The following LCOR variants were observed in gnomAD, a reference collection of about 807,000 sequenced individuals.
The protein encoded by LCOR is ligand-dependent corepressor.
LCOR carries 14 observed loss-of-function variants against 64.4 expected under a neutral mutation model. The observed-to-expected ratio is 0.22, with a 90% CI of 0.14 to 0.34. The LOEUF (loss-of-function observed/expected upper bound fraction) is 0.34, where lower values mean the gene tolerates loss of function less well. Ranked by LOEUF, LCOR falls within the 10% of genes least tolerant of loss-of-function variation. The pLI, the probability that LCOR is intolerant of heterozygous loss-of-function variation, is 1.00. For synonymous variants in LCOR, 643 were observed against 642.5 expected (o/e 1.00, Z -0.01); for missense variants, 1,686 against 1,765.3 (o/e 0.96, Z 0.80).
chr10:96,993,782 G>A lies in LCOR; in HGVS notation c.*8648G>A, dbSNP rs1330018020. 5 of 149,462 alleles carry A rather than the reference G, an allele frequency of 3.3e-5. No individual in the cohort carries two copies. Among genetic ancestry groups the A allele is most frequent in the Admixed American group, 6.7e-5 (1 of 14,970 alleles). 9.3% of individuals were successfully genotyped at this position (149,462 alleles called of 1,614,324 possible). On this transcript the variant is annotated 3_prime_UTR_variant, in exon 8 of 8. Coordinates refer to ENST00000421806, the MANE Select transcript of LCOR (RefSeq NM_001346516.2). Reference sequence around the variant, plus strand: ...ATATTATATATATATATATACAGGTGTATGATAAACTGGTCAGTGGTCAGT... The same window carrying A: ...ATATTATATATATATATATACAGGTATATGATAAACTGGTCAGTGGTCAGT...
chr10:96,847,069 C>T (rs1845641831), intron 2 of LCOR, among the ~76,000 whole-genome samples: 1 of 151,922 alleles, frequency 6.6e-6, no homozygotes, highest in South Asian at 2.1e-4. Flanking sequence ...ATGGTGAAAC[C>T]CCGTCTCTAC....
intron 2 of LCOR, among the ~76,000 whole-genome samples, chr10:96,852,665 G>T (rs1783898062): frequency 6.6e-6 from 1 of 152,164 alleles, no homozygotes; most frequent in Non-Finnish European, 1.5e-5. Flanking sequence ...TTCTTCAGAA[G>T]CCCATGGAGA....
At chr10:96,957,287 GCA>G in intron 7 of LCOR, 1 of 984,942 alleles carries the variant, frequency 1.0e-6, no homozygotes, top group Non-Finnish European at 1.2e-6. Context: ...TGGTTGTTTA[GCA>G]CACAGTTCAG....
Position 96,983,186 on chromosome 10 carries a change from G to A in LCOR, c.2726G>A (p.Arg909Lys). 1 of 1,614,100 alleles carries A rather than the reference G, an allele frequency of 6.2e-7. No homozygotes were observed. Among genetic ancestry groups the A allele is most frequent in the Non-Finnish European group, 8.5e-7 (1 of 1,180,038 alleles). The change falls in exon 8 of 8, where the codon AGG becomes AAG. Residue 909 changes from arginine (R) to lysine (K), a missense_variant. Around this residue, in one of 3 missense-constraint regions of LCOR, gnomAD observed 1,293 missense variants for 1,410.4 expected, o/e 0.92. Coordinates refer to ENST00000421806, the MANE Select transcript of LCOR (RefSeq NM_001346516.2). This position sits in a 1 kb window ranked among gnomAD's most constrained non-coding sequence, Gnocchi z 4.5. ...QEGEGGGIIT[R>K]QTLKNMLDKE... is the part of the protein sequence containing the mutation. ...GGCGAAGGCGGGGGGATCATCACCAGGCAGACTTTGAAAAACATGCTGGAC... is the reference window on the plus strand; with the variant it reads ...GGCGAAGGCGGGGGGATCATCACCAAGCAGACTTTGAAAAACATGCTGGAC...
intron 2 of LCOR, among the ~76,000 whole-genome samples, chr10:96,906,491 T>C (rs1180303503): frequency 6.6e-6 from 1 of 152,192 alleles, no homozygotes; most frequent in African/African-American, 2.4e-5. Context: ...CCATAAGAAA[T>C]TGCAAGATGG....
Position 96,985,581 on chromosome 10 carries a change from A to G in LCOR, c.*447A>G, listed in dbSNP as rs371724119. ...CACCCTGCAGCATCTGCCCACGAACAGATGCCCTTCTTTGCAAACCCCAGC... is the reference window on the plus strand; with the variant it reads ...CACCCTGCAGCATCTGCCCACGAACGGATGCCCTTCTTTGCAAACCCCAGC... On this transcript the variant is annotated 3_prime_UTR_variant, in exon 8 of 8. Coordinates refer to ENST00000421806, the MANE Select transcript of LCOR (RefSeq NM_001346516.2). 1 of 167,792 alleles carries G rather than the reference A, an allele frequency of 6.0e-6. No individual in the cohort carries two copies. The highest frequency in any genetic ancestry group is 1.9e-4 in the East Asian group (1 of 5,224). 10.4% of individuals were successfully genotyped at this position (167,792 alleles called of 1,614,324 possible). A position where few individuals can be genotyped will look rare whatever the true frequency, so the allele number is the denominator to read the frequency against.
chr10:96,833,866 A>AG (rs1251915890), intron 2 of LCOR, among the ~76,000 whole-genome samples: 1 of 151,640 alleles, frequency 6.6e-6, no homozygotes, highest in South Asian at 2.1e-4. Context: ...TTGTTGTGCG[A>AG]GGGGGAGAAC....
At chr10:96,894,950 T>TA (rs1056137156) in intron 2 of LCOR, among the ~76,000 whole-genome samples, 5 of 152,186 alleles carry the variant, frequency 3.3e-5, no homozygotes, top group Admixed American at 6.5e-5. Flanking sequence ...GATAGAACAG[T>TA]AAAAAAGACC....
chr10:96,900,055 A>G (rs927264682), intron 2 of LCOR, among the ~76,000 whole-genome samples: 8 of 152,188 alleles, frequency 5.3e-5, no homozygotes, highest in Non-Finnish European at 8.8e-5. Flanking sequence ...TACAAAAAGA[A>G]ATGTGTTGCC....
At chr10:96,965,704 T>G (rs1454107186) in intron 7 of LCOR, among the ~76,000 whole-genome samples, 1 of 151,652 alleles carries the variant, frequency 6.6e-6, no homozygotes, top group African/African-American at 2.4e-5. Context: ...TCTAGCTGTT[T>G]CTGCCTTTGG....
chr10:96,889,833 T>A (rs1846408941), intron 2 of LCOR, among the ~76,000 whole-genome samples: 1 of 152,362 alleles, frequency 6.6e-6, no homozygotes, highest in East Asian at 1.9e-4. Context: ...GTCAGGTTAT[T>A]ATGAATAATG....
chr10:96,884,018 A>G (rs964229880), intron 2 of LCOR, among the ~76,000 whole-genome samples: 5 of 151,070 alleles, frequency 3.3e-5, no homozygotes, highest in African/African-American at 1.2e-4. Flanking sequence ...ACATATTTCA[A>G]ATGTTTATAC....
At chr10:96,840,716 T>C (rs1845525504) in intron 2 of LCOR, among the ~76,000 whole-genome samples, 1 of 152,238 alleles carries the variant, frequency 6.6e-6, no homozygotes, top group South Asian at 2.1e-4. Flanking sequence ...CTTTAGACTT[T>C]AAATGTTTTC....
At chr10:96,856,041 G>A (rs1441785609) in intron 2 of LCOR, among the ~76,000 whole-genome samples, 3 of 151,796 alleles carry the variant, frequency 2.0e-5, no homozygotes, top group Admixed American at 1.3e-4. Context: ...ATAGCCCCTG[G>A]CCATCTATTG....
chr10:96,833,257 C>T, intron 1 of LCOR, 149 bp from the exon 2 acceptor site: 1 of 958,170 alleles, frequency 1.0e-6, no homozygotes, highest in Non-Finnish European at 1.2e-6. Flanking sequence ...AATGCCCCGT[C>T]CGCCCCCCGC....
rs545692948 is a variant in LCOR at position 96,915,487 on chromosome 10, C to T, written c.-184+7740C>T. 2.3e-4 allele frequency: 92 copies of T among 399,410 alleles called. 1 individual carries two copies. Among genetic ancestry groups the T allele is most frequent in the South Asian group, 2.1e-3 (90 of 43,090 alleles). The allele number at this position is 399,410 out of a possible 1,614,324, so 24.7% of individuals were successfully genotyped here. A position where few individuals can be genotyped will look rare whatever the true frequency, so the allele number is the denominator to read the frequency against. ...AGTCAGCCGAGATTGCGCCACTGCA[C>T]TCCAGCCTGGGGAGAGAGTGAGACT... On this transcript the variant is annotated intron_variant, in intron 4 of 7. Transcript: ENST00000421806.
chr10:96,849,011 G>T lies in LCOR; in HGVS notation c.-330+15532G>T, dbSNP rs1264812000. Among the ~76,000 whole-genome samples the T allele has an allele frequency of 1.9e-3, 202 of 106,490 alleles. 3 individuals are homozygous for T. Among genetic ancestry groups the T allele is most frequent in the Admixed American group, 3.9e-3 (32 of 8,194 alleles). The allele number at this position is 106,490 out of a possible 152,430, so 69.9% of individuals were successfully genotyped here. A position where few individuals can be genotyped will look rare whatever the true frequency, so the allele number is the denominator to read the frequency against. ...AAATAAGTGTATATGAGTTGAAAAT[G>T]TTTTTTTTTTTTTTTTGAGACAGAT... is the stretch of plus-strand genomic sequence containing the variant. On this transcript the variant is annotated intron_variant, in intron 2 of 7. Transcript: ENST00000421806.
At chr10:96,833,285 G>A (rs1335028439) in intron 1 of LCOR, 121 bp from the exon 2 acceptor site, 4 of 945,060 alleles carry the variant, frequency 4.2e-6, no homozygotes, top group Non-Finnish European at 5.0e-6. Flanking sequence ...ACCTTGGGCC[G>A]CCCTCGGGTG....
intron 4 of LCOR, among the ~76,000 whole-genome samples, chr10:96,935,271 C>G (rs982853135): frequency 2.0e-5 from 3 of 149,174 alleles, no homozygotes; most frequent in African/African-American, 7.4e-5. Context: ...GCCTCAGCCT[C>G]TTGAGTAGCT....
Sources: gnomAD v4.1 joint callset for allele counts (sites outside exome capture counted in the v4.1 genomes callset) on GRCh38, gnomAD v4.1.1 for gene constraint, gnomAD v4.1.1 regional missense constraint, Gnocchi (gnomAD v3.1) non-coding constraint, MANE v1.5 for transcripts, NCBI Gene and HGNC (gene_info 2026-07-23, HGNC 2026-07-21) for gene names.